FAM81A: variants seen among roughly 807,000 people sequenced by gnomAD.
FAM81A encodes the protein family with sequence similarity 81 member A, also known as protein FAM81A.
FAM81A carries 19 observed loss-of-function variants against 46.7 expected under a neutral mutation model. That is an observed-to-expected ratio of 0.41 (90% CI 0.28 to 0.60). FAM81A has a LOEUF of 0.60. FAM81A is among the 20% of genes least tolerant of loss of function. The pLI, the probability that FAM81A is intolerant of heterozygous loss-of-function variation, is 0.34. For missense variants in FAM81A, 377 were observed against 453.5 expected (o/e 0.83, Z 1.53); for synonymous variants, 183 against 152.9 (o/e 1.20, Z -1.45).
chr15:59,502,966 A>G (rs1407910737), intron 4 of FAM81A, among the ~76,000 whole-genome samples: 1 of 152,046 alleles, frequency 6.6e-6, no homozygotes, highest in Admixed American at 6.6e-5. Flanking sequence ...CAAAATAAAA[A>G]TGAAGCCTGG....
intron 7 of FAM81A, among the ~76,000 whole-genome samples, chr15:59,515,117 C>T (rs994227495): frequency 2.2e-4 from 34 of 152,162 alleles, no homozygotes; most frequent in African/African-American, 7.7e-4. Context: ...TGGTGACACA[C>T]GCTTGTAGTC....
intron 2 of FAM81A, among the ~76,000 whole-genome samples, chr15:59,404,808 C>G (rs1160229249): frequency 6.6e-6 from 1 of 152,234 alleles, no homozygotes; most frequent in South Asian, 2.1e-4. Context: ...ACTTGCTATA[C>G]TGTTCAAAAC....
At chr15:59,472,553 C>A (rs1254922121) in intron 3 of FAM81A, among the ~76,000 whole-genome samples, 2 of 93,198 alleles carry the variant, frequency 2.1e-5, no homozygotes, top group African/African-American at 1.1e-4. Context: ...GTTCCTTTCC[C>A]CATTCCTTTT....
chr15:59,440,031 C>G (rs1402519779), intron 1 of FAM81A: 1 of 152,248 alleles, frequency 6.6e-6, no homozygotes, highest in South Asian at 2.1e-4. Context: ...TAGTGTCCTC[C>G]ACCGTCTCAC....
intron 1 of FAM81A, among the ~76,000 whole-genome samples, chr15:59,442,055 TAAAG>T (rs1338931502): frequency 6.6e-6 from 1 of 152,120 alleles, no homozygotes; most frequent in Non-Finnish European, 1.5e-5. Context: ...TTGAATAACT[TAAAG>T]AAAACACTGC....
intron 1 of FAM81A, among the ~76,000 whole-genome samples, chr15:59,448,167 A>G (rs1268594934): frequency 2.6e-5 from 4 of 152,134 alleles, no homozygotes; most frequent in African/African-American, 4.8e-5. Context: ...ATGTGAGGTC[A>G]GGCTTTTGAG....
At chr15:59,496,945 G>A (rs1348320101) in intron 4 of FAM81A, among the ~76,000 whole-genome samples, 1 of 152,030 alleles carries the variant, frequency 6.6e-6, no homozygotes, top group African/African-American at 2.4e-5. Flanking sequence ...GGCCAACATG[G>A]TGAAATCCCA....
intron 3 of FAM81A, among the ~76,000 whole-genome samples, chr15:59,486,743 GA>G (rs57345732): frequency 7.1e-4 from 107 of 150,984 alleles, no homozygotes; most frequent in African/African-American, 2.5e-3. Flanking sequence ...AGTGCTGAAG[GA>G]AAAAAAAACT....
At chr15:59,430,699 G>C (rs2141563993) in intron 2 of FAM81A, among the ~76,000 whole-genome samples, 1 of 152,274 alleles carries the variant, frequency 6.6e-6, no homozygotes, top group South Asian at 2.1e-4. Context: ...CTTGGAATTT[G>C]TATTAGGTAC....
At chr15:59,405,334 G>A (rs1273319934) in intron 2 of FAM81A, among the ~76,000 whole-genome samples, 4 of 152,028 alleles carry the variant, frequency 2.6e-5, no homozygotes, top group Non-Finnish European at 4.4e-5. Context: ...GAATACAACC[G>A]TATGCCTCTT....
At chr15:59,508,256 T>C (rs180726792) in intron 5 of FAM81A, among the ~76,000 whole-genome samples, 1 of 152,330 alleles carries the variant, frequency 6.6e-6, no homozygotes, top group African/African-American at 2.4e-5. Flanking sequence ...ATTCTTTCTC[T>C]TTCTTCTGGA....
At chr15:59,501,299 A>T (rs1286040655) in intron 4 of FAM81A, among the ~76,000 whole-genome samples, 1 of 152,136 alleles carries the variant, frequency 6.6e-6, no homozygotes, top group Admixed American at 6.6e-5. Flanking sequence ...TCTTTCCCTG[A>T]TATTTTATTA....
intron 2 of FAM81A, among the ~76,000 whole-genome samples, chr15:59,429,656 T>C (rs1567040991): frequency 6.6e-6 from 1 of 152,248 alleles, no homozygotes; most frequent in African/African-American, 2.4e-5. Flanking sequence ...TTACAATGAA[T>C]TAGCAATAAC....
At chr15:59,457,038 T>C (rs1459413480) in intron 1 of FAM81A, among the ~76,000 whole-genome samples, 1 of 152,224 alleles carries the variant, frequency 6.6e-6, no homozygotes, top group African/African-American at 2.4e-5. Context: ...CTTACAACTT[T>C]AAAACTGTAA....
intron 4 of FAM81A, among the ~76,000 whole-genome samples, chr15:59,502,066 A>G (rs567619706): frequency 6.6e-6 from 1 of 151,918 alleles, no homozygotes; most frequent in South Asian, 2.1e-4. Context: ...ATTGTTAACA[A>G]TATGTCACAT....
intron 6 of FAM81A, 144 bp downstream of exon 6, chr15:59,509,113 A>G (rs1171091661): frequency 2.1e-5 from 13 of 619,524 alleles, no homozygotes; most frequent in Admixed American, 3.1e-5. Context: ...TCCTTGTATC[A>G]TGTTGCCACT....
At position 59,473,315 on chromosome 15, in the gene FAM81A, C is replaced by T. The variant is rs2081721455; in HGVS notation, c.294+13109C>T. 2.0e-5 allele frequency among the ~76,000 whole-genome samples: 3 copies of T among 152,212 alleles called. No homozygotes were observed. In the South Asian group the frequency reaches 6.2e-4, roughly 32 times the overall value. ...AGTAGCATGATGAAATCTTTCACCA[C>T]CCGGCCTGGGTGGGACGTGAATCAC... is the stretch of plus-strand genomic sequence containing the variant. On this transcript the variant is annotated intron_variant, in intron 3 of 8. Transcript: ENST00000288228.
chr15:59,474,697 T>G (rs1377881520), intron 3 of FAM81A, among the ~76,000 whole-genome samples: 1 of 152,320 alleles, frequency 6.6e-6, no homozygotes, highest in East Asian at 1.9e-4. Context: ...GTTGTAGATA[T>G]GCTGGTAGCA....
intron 6 of FAM81A, among the ~76,000 whole-genome samples, chr15:59,513,528 T>G (rs1596546887): frequency 6.6e-6 from 1 of 152,220 alleles, no homozygotes; most frequent in East Asian, 1.9e-4. Context: ...ATCTGTTGTA[T>G]TCTCCCGCCT....
Sources: gnomAD v4.1 joint callset for allele counts (sites outside exome capture counted in the v4.1 genomes callset) on GRCh38, gnomAD v4.1.1 for gene constraint, MANE v1.5 for transcripts, NCBI Gene and HGNC (gene_info 2026-07-23, HGNC 2026-07-21) for gene names.